Variants in SDK1 observed in about 807,000 individuals in gnomAD.
SDK1 encodes the protein sidekick cell adhesion molecule 1, also known as protein sidekick-1.
SDK1 carries 157 observed loss-of-function variants against 245.5 expected under a neutral mutation model. The ratio of observed to expected loss-of-function variants is 0.64; its 90% CI spans 0.56 to 0.73. The LOEUF is 0.73. Among genes scored for constraint, SDK1 ranks in the 30% least tolerant of loss-of-function variants. SDK1 has a pLI of 0.00. For synonymous variants in SDK1, 1,647 were observed against 1,278.5 expected (o/e 1.29, Z -6.15); for missense variants, 3,583 against 3,002.3 (o/e 1.19, Z -4.52).
At chr7:4,175,132 G>T (rs147612854) in intron 33 of SDK1, among the ~76,000 whole-genome samples, 1 of 152,178 alleles carries the variant, frequency 6.6e-6, no homozygotes, top group Non-Finnish European at 1.5e-5. Flanking sequence ...GTGCGCGGAC[G>T]GCAGCAGCTC....
intron 30 of SDK1, among the ~76,000 whole-genome samples, chr7:4,153,746 C>T (rs753521838): frequency 4.6e-5 from 7 of 152,188 alleles, no homozygotes; most frequent in Non-Finnish European, 7.4e-5. Flanking sequence ...GCTCCGTCAT[C>T]GTTCACTGCA....
chr7:3,598,317 A>G (rs937001266), intron 1 of SDK1, among the ~76,000 whole-genome samples: 3 of 152,202 alleles, frequency 2.0e-5, no homozygotes, highest in African/African-American at 4.8e-5. Flanking sequence ...CAAGATATGC[A>G]TTATCAGAAT....
chr7:4,029,825 C>T (rs1449422393), intron 17 of SDK1, among the ~76,000 whole-genome samples: 1 of 152,114 alleles, frequency 6.6e-6, no homozygotes, highest in Non-Finnish European at 1.5e-5. Flanking sequence ...ATCGATTCTG[C>T]CCCAGAATCA....
At chr7:3,799,731 G>T (rs1375743841) in intron 4 of SDK1, among the ~76,000 whole-genome samples, 1 of 147,312 alleles carries the variant, frequency 6.8e-6, no homozygotes, top group African/African-American at 2.5e-5. Flanking sequence ...AAATGACCTC[G>T]TTTATCCTAA....
chr7:3,698,080 G>A (rs901829006), intron 4 of SDK1, among the ~76,000 whole-genome samples: 25 of 152,214 alleles, frequency 1.6e-4, no homozygotes, highest in Admixed American at 4.6e-4. Flanking sequence ...GTTGCCAGTG[G>A]GCACAGACAA....
chr7:3,861,276 A>C (rs1780686049), intron 5 of SDK1, among the ~76,000 whole-genome samples: 1 of 152,258 alleles, frequency 6.6e-6, no homozygotes, highest in South Asian at 2.1e-4. Context: ...AAAGATCAGG[A>C]AAGACATTGC....
chr7:3,558,234 G>C (rs1008170817), intron 1 of SDK1, among the ~76,000 whole-genome samples: 1 of 152,208 alleles, frequency 6.6e-6, no homozygotes, highest in African/African-American at 2.4e-5. Flanking sequence ...GAGATTTCTG[G>C]AGTAGGCCAT....
intron 4 of SDK1, among the ~76,000 whole-genome samples, chr7:3,813,136 G>A (rs532082501): frequency 7.1e-4 from 108 of 151,298 alleles, no homozygotes; most frequent in African/African-American, 2.4e-3. Flanking sequence ...TATACTTTAA[G>A]TTTTAGGGTA....
chr7:3,391,964 G>A (rs1344288400), intron 1 of SDK1, among the ~76,000 whole-genome samples: 1 of 68,778 alleles, frequency 1.5e-5, no homozygotes, highest in Non-Finnish European at 2.6e-5. Context: ...TGTATATCAT[G>A]TAATATATAT....
At chr7:3,436,395 A>AC (rs1166016611) in intron 1 of SDK1, among the ~76,000 whole-genome samples, 2 of 152,136 alleles carry the variant, frequency 1.3e-5, no homozygotes, top group African/African-American at 4.8e-5. Context: ...CTAATTCAAT[A>AC]CATTTTAGAT....
At chr7:3,501,970 A>G (rs1193380414) in intron 1 of SDK1, among the ~76,000 whole-genome samples, 1 of 152,090 alleles carries the variant, frequency 6.6e-6, no homozygotes, top group Non-Finnish European at 1.5e-5. Context: ...TTAGAACTTT[A>G]TATGTTTGTT....
chr7:3,458,192 G>A (rs1780727436), intron 1 of SDK1, among the ~76,000 whole-genome samples: 1 of 151,566 alleles, frequency 6.6e-6, no homozygotes, highest in African/African-American at 2.4e-5. Context: ...GTCTTGGTGG[G>A]TTATTTAATC....
intron 1 of SDK1, among the ~76,000 whole-genome samples, chr7:3,492,150 TAGTA>T (rs1781881773): frequency 6.6e-6 from 1 of 152,214 alleles, no homozygotes; most frequent in South Asian, 2.1e-4. Context: ...CTAGGGAACT[TAGTA>T]AGTGCTTTTT....
intron 5 of SDK1, among the ~76,000 whole-genome samples, chr7:3,922,693 G>T (rs919103486): frequency 2.5e-4 from 38 of 152,160 alleles, no homozygotes; most frequent in African/African-American, 8.4e-4. Context: ...TTGTCAGTTT[G>T]ATTTGCTTAC....
At chr7:3,382,501 A>G (rs573673156) in intron 1 of SDK1, among the ~76,000 whole-genome samples, 4 of 152,214 alleles carry the variant, frequency 2.6e-5, no homozygotes, top group East Asian at 1.9e-4. Flanking sequence ...CCTCACCTCA[A>G]TCATTGCCAA....
chr7:3,746,664 A>G (rs1779630925), intron 4 of SDK1, among the ~76,000 whole-genome samples: 1 of 152,206 alleles, frequency 6.6e-6, no homozygotes. Flanking sequence ...TCCATAAGAA[A>G]TACCTCATCA....
At chr7:4,107,480 CT>C (rs1783013691) in intron 22 of SDK1, among the ~76,000 whole-genome samples, 1 of 127,338 alleles carries the variant, frequency 7.9e-6, no homozygotes, top group African/African-American at 3.5e-5. Flanking sequence ...CTTTTTCTTC[CT>C]TTCTTCTTCT....
At chr7:3,827,569 C>A (rs79445769) in intron 5 of SDK1, among the ~76,000 whole-genome samples, 1 of 152,188 alleles carries the variant, frequency 6.6e-6, no homozygotes, top group Non-Finnish European at 1.5e-5. Flanking sequence ...GTCTACAAAA[C>A]GAGGTGGGAC....
At chr7:4,068,741 A>G (rs1584010551) in intron 20 of SDK1, among the ~76,000 whole-genome samples, 1 of 122,556 alleles carries the variant, frequency 8.2e-6, no homozygotes, top group East Asian at 2.0e-4. Flanking sequence ...TTTATTTATG[A>G]GACAGGGTCT....
Sources: allele counts gnomAD v4.1 joint callset (sites outside exome capture counted in the v4.1 genomes callset), GRCh38; gene constraint gnomAD v4.1.1; transcripts MANE v1.5; gene names NCBI Gene and HGNC (gene_info 2026-07-23, HGNC 2026-07-21).